FSTL4: variants seen among roughly 807,000 people sequenced by gnomAD.
The protein encoded by FSTL4 is follistatin like 4, also known as follistatin-related protein 4.
Under a neutral mutation model 78.2 loss-of-function variants are expected in FSTL4, and 28 were observed. The observed-to-expected ratio is 0.36, with a 90% CI of 0.27 to 0.49. FSTL4 has a LOEUF of 0.49. Ranked by LOEUF, FSTL4 falls within the 20% of genes least tolerant of loss-of-function variation. The pLI, the probability that FSTL4 is intolerant of heterozygous loss-of-function variation, is 0.98. For missense variants in FSTL4, 922 were observed against 1,084.9 expected, an observed-to-expected ratio of 0.85 and a Z score of 2.11; for synonymous variants, 422 against 440.5, an observed-to-expected ratio of 0.96 and a Z score of 0.53.
intron 14 of FSTL4, among the ~76,000 whole-genome samples, chr5:133,205,722 T>TA (rs1424832023): frequency 2.0e-5 from 3 of 152,218 alleles, no homozygotes; most frequent in Non-Finnish European, 2.9e-5. Context: ...AGTTTCAATA[T>TA]AAAATCTTTA....
chr5:133,614,274 G>T (rs1225186568), upstream of FSTL4, among the ~76,000 whole-genome samples: 4 of 152,106 alleles, frequency 2.6e-5, no homozygotes, highest in African/African-American at 7.2e-5. Context: ...GTAACTCAAG[G>T]TCATATGTAA....
chr5:133,692,018 C>G, the FSTL4 span, among the ~76,000 whole-genome samples: 2 of 152,154 alleles, frequency 1.3e-5, no homozygotes, highest in East Asian at 3.8e-4. Context: ...AGGGGGAAAA[C>G]AAATACTGAT....
intron 4 of FSTL4, among the ~76,000 whole-genome samples, chr5:133,378,295 A>C (rs1456827909): frequency 5.3e-5 from 8 of 152,240 alleles, no homozygotes; most frequent in African/African-American, 1.9e-4. Flanking sequence ...GCAATTGTAT[A>C]AAATAATATG....
intron 7 of FSTL4, among the ~76,000 whole-genome samples, chr5:133,234,403 C>T (rs1277909695): frequency 1.3e-5 from 2 of 152,158 alleles, no homozygotes; most frequent in East Asian, 3.9e-4. Context: ...GAGGGATGGG[C>T]AGGAGGGGCT....
intron 3 of FSTL4, among the ~76,000 whole-genome samples, chr5:133,460,160 G>A (rs555324685): frequency 6.6e-6 from 1 of 152,254 alleles, no homozygotes; most frequent in South Asian, 2.1e-4. Context: ...GCTCAGGCCC[G>A]CTCCCACACT....
intron 8 of FSTL4, among the ~76,000 whole-genome samples, chr5:133,230,961 G>A (rs558317217): frequency 1.6e-4 from 25 of 152,198 alleles, no homozygotes; most frequent in South Asian, 8.3e-4. Context: ...CTTCAGGGGC[G>A]GCCCCTTCTC....
intron 5 of FSTL4, 128 bp from the exon 6 acceptor site, chr5:133,312,905 C>T (rs1241595769): frequency 1.3e-6 from 1 of 795,624 alleles, no homozygotes; most frequent in East Asian, 2.7e-5. Context: ...ACCTGAAGCT[C>T]TTTGATTTTG....
intron 6 of FSTL4, among the ~76,000 whole-genome samples, chr5:133,260,262 G>C (rs545515355): frequency 1.4e-4 from 21 of 152,166 alleles, no homozygotes; most frequent in African/African-American, 4.8e-4. Flanking sequence ...TCCAAATGGG[G>C]GACTGTGCTT....
At chr5:133,608,658 G>A (rs1761023759) in intron 1 of FSTL4, among the ~76,000 whole-genome samples, 1 of 152,198 alleles carries the variant, frequency 6.6e-6, no homozygotes, top group African/African-American at 2.4e-5. Context: ...CTACCTCCTT[G>A]TGAAAACCAC....
intron 4 of FSTL4, among the ~76,000 whole-genome samples, chr5:133,395,776 C>G (rs1416378688): frequency 6.6e-6 from 1 of 152,216 alleles, no homozygotes; most frequent in African/African-American, 2.4e-5. Flanking sequence ...CCTTGCTCTT[C>G]AAAATCCACC....
At chr5:133,729,545 G>T in the FSTL4 span, among the ~76,000 whole-genome samples, 88 of 152,092 alleles carry the variant, frequency 5.8e-4, 1 homozygote, top group African/African-American at 2.0e-3. Context: ...ACCTAACATT[G>T]TATTACCATC....
chr5:133,829,343 G>A, the FSTL4 span, among the ~76,000 whole-genome samples: 187 of 152,138 alleles, frequency 1.2e-3, 1 homozygote, highest in African/African-American at 4.3e-3. Flanking sequence ...CTGAGATCGC[G>A]CCACTGCACT....
Position 133,426,056 on chromosome 5 carries a change from T to C in FSTL4, c.161-25070A>G, listed in dbSNP as rs1328757756. 6.6e-6 allele frequency among the ~76,000 whole-genome samples: 1 copy of C among 152,222 alleles called. No homozygotes were observed. Among genetic ancestry groups the C allele is most frequent in the African/African-American group, 2.4e-5 (1 of 41,466 alleles). The stretch of plus-strand genomic sequence containing the variant: ...GGCCTTGGTCTTCTCTTCTTCCACA[T>C]ATGGGGAGCTGGAAGTGGACCAGTC... On this transcript the variant is annotated intron_variant, in intron 3 of 15. Transcript: ENST00000265342. The surrounding 1 kb of genome is among the most constrained non-coding windows in gnomAD (Gnocchi z 5.0).
chr5:133,797,555 G>A, the FSTL4 span, among the ~76,000 whole-genome samples: 1 of 152,142 alleles, frequency 6.6e-6, no homozygotes, highest in African/African-American at 2.4e-5. Context: ...AAGAGAGGGG[G>A]TATAACCAGG....
intron 3 of FSTL4, among the ~76,000 whole-genome samples, chr5:133,555,463 CA>C (rs370455845): frequency 1.3e-5 from 2 of 152,334 alleles, no homozygotes; most frequent in African/African-American, 4.8e-5. Context: ...CCTCCTCTGT[CA>C]AATACCAATG....
the FSTL4 span, among the ~76,000 whole-genome samples, chr5:133,680,486 T>A: frequency 2.6e-5 from 4 of 152,158 alleles, no homozygotes; most frequent in Non-Finnish European, 5.9e-5. Flanking sequence ...AAGCACTCCC[T>A]CTCCAGGGTT....
At position 133,210,250 on chromosome 5, in the gene FSTL4, G is replaced by A; in HGVS notation, c.1657C>T (p.His553Tyr). ...LPAKLSYDKS[H>Y]DQVWVLSWGD... ...CAGCTCAGGACCCACACTTGGTCAT[G>A]TGACTTGTCATAGGACAGCTTAGCC... The change falls in exon 14 of 16, where the codon CAT becomes TAT. Residue 553 changes from histidine (H) to tyrosine (Y), a missense_variant. Physicochemically the swap from His to Tyr is moderately conservative, Grantham distance 83. Transcript: ENST00000265342. 6.2e-7 allele frequency: 1 copy of A among 1,612,952 alleles called. No individual in the cohort carries two copies. Among genetic ancestry groups the A allele is most frequent in the South Asian group, 1.1e-5 (1 of 91,054 alleles).
chr5:133,778,507 G>T, the FSTL4 span, among the ~76,000 whole-genome samples: 165 of 152,294 alleles, frequency 1.1e-3, no homozygotes, highest in Non-Finnish European at 1.9e-3. Flanking sequence ...CAACCCAATT[G>T]CAGCCAAAGT....
At chr5:133,399,946 A>G (rs956271281) in intron 4 of FSTL4, among the ~76,000 whole-genome samples, 9 of 152,176 alleles carry the variant, frequency 5.9e-5, no homozygotes, top group African/African-American at 2.2e-4. Flanking sequence ...GGCATGTACT[A>G]TTTACCAGGG....
Sources: gnomAD v4.1 joint callset for allele counts (sites outside exome capture counted in the v4.1 genomes callset) on GRCh38, gnomAD v4.1.1 for gene constraint, Gnocchi (gnomAD v3.1) non-coding constraint, MANE v1.5 for transcripts, NCBI Gene and HGNC (gene_info 2026-07-23, HGNC 2026-07-21) for gene names.